Variants in DEUP1 observed in about 807,000 individuals in gnomAD.
DEUP1 encodes deuterosome assembly protein 1.
DEUP1 carries 82 observed loss-of-function variants against 87.4 expected under a neutral mutation model. The observed-to-expected ratio is 0.94, with a 90% CI of 0.78 to 1.13. The LOEUF (loss-of-function observed/expected upper bound fraction) is 1.13. Ranked by LOEUF, DEUP1 falls within the 50% of genes most tolerant of loss-of-function variation. The pLI, the probability that DEUP1 is intolerant of heterozygous loss-of-function variation, is 0.00. For synonymous variants in DEUP1, 214 were observed against 222.7 expected (o/e 0.96, Z 0.35); for missense variants, 663 against 681.5 (o/e 0.97, Z 0.30).
At chr11:93,387,949 G>A (rs537765372) in intron 8 of DEUP1, among the ~76,000 whole-genome samples, 11 of 151,978 alleles carry the variant, frequency 7.2e-5, no homozygotes, top group East Asian at 3.9e-4. Flanking sequence ...TATATTTACC[G>A]CACATAAAAA....
At position 93,416,634 on chromosome 11, in the gene DEUP1, A is replaced by T. The variant is rs1244249687; in HGVS notation, c.1638+1520A>T. 2.0e-5 allele frequency among the ~76,000 whole-genome samples: 3 copies of T among 151,866 alleles called. No homozygotes were observed. The East Asian group carries it at 5.8e-4, about 29-fold the overall frequency. On this transcript the variant is annotated intron_variant, in intron 13 of 13. Coordinates refer to ENST00000298050, the MANE Select transcript of DEUP1 (RefSeq NM_181645.4). ...AACTGGTACCATTCCTTCTGAAACTATTCCAATCAATAGAAAAAGAGGGAA... is the reference window on the plus strand; with the variant it reads ...AACTGGTACCATTCCTTCTGAAACTTTTCCAATCAATAGAAAAAGAGGGAA...
chr11:93,332,077 T>C (rs1943520091), intron 1 of DEUP1, 139 bp from the exon 2 acceptor site: 2 of 502,074 alleles, frequency 4.0e-6, no homozygotes, highest in African/African-American at 1.9e-5. Context: ...AAAACTCAGG[T>C]TTCTATATTT....
chr11:93,370,397 A>G (rs1013110971), intron 6 of DEUP1, among the ~76,000 whole-genome samples: 1 of 152,214 alleles, frequency 6.6e-6, no homozygotes, highest in East Asian at 1.9e-4. Flanking sequence ...TTAAAATTCC[A>G]TTGTTATTGT....
intron 11 of DEUP1, among the ~76,000 whole-genome samples, chr11:93,396,734 T>C (rs939501959): frequency 1.3e-5 from 2 of 152,310 alleles, no homozygotes; most frequent in African/African-American, 4.8e-5. Context: ...GTTTTGTTGC[T>C]TGTCACTTTC....
intron 7 of DEUP1, among the ~76,000 whole-genome samples, chr11:93,378,106 A>C (rs1008868224): frequency 7.2e-5 from 11 of 152,112 alleles, no homozygotes; most frequent in African/African-American, 2.7e-4. Flanking sequence ...TTTTGTGATG[A>C]ATTTCCCAGG....
intron 9 of DEUP1, among the ~76,000 whole-genome samples, chr11:93,391,571 G>A (rs1452469258): frequency 6.6e-6 from 1 of 151,944 alleles, no homozygotes; most frequent in African/African-American, 2.4e-5. Context: ...AGCCAGGCAT[G>A]GTGGTGCTCA....
intron 7 of DEUP1, among the ~76,000 whole-genome samples, chr11:93,373,696 G>C (rs991568509): frequency 6.8e-6 from 1 of 147,914 alleles, no homozygotes; most frequent in Admixed American, 6.8e-5. Context: ...TTGATTGATA[G>C]GCATTTGGGC....
At chr11:93,408,700 T>C (rs1337368498) in intron 12 of DEUP1, among the ~76,000 whole-genome samples, 1 of 152,212 alleles carries the variant, frequency 6.6e-6, no homozygotes, top group Non-Finnish European at 1.5e-5. Flanking sequence ...AACATACAGA[T>C]AAGTAATTTT....
Position 93,419,907 on chromosome 11 carries a change from T to C in DEUP1, c.1638+4793T>C, listed in dbSNP as rs192306856. Among the ~76,000 whole-genome samples, 146 of 150,682 alleles carry C rather than the reference T, an allele frequency of 9.7e-4. 1 individual carries two copies. The highest frequency in any genetic ancestry group is 3.4e-3 in the Middle Eastern group (1 of 294). The stretch of plus-strand genomic sequence containing the variant: ...ATTAAAAAAAAAACAGGCTCTGAAA[T>C]TGTGGCAATAATCAATAGCTTACCA... On this transcript the variant is annotated intron_variant, in intron 13 of 13. Transcript: ENST00000298050.
intron 4 of DEUP1, among the ~76,000 whole-genome samples, chr11:93,360,782 C>T (rs2134232143): frequency 6.7e-6 from 1 of 149,792 alleles, no homozygotes; most frequent in South Asian, 2.1e-4. Flanking sequence ...ACCTTGGGGA[C>T]ATGTAGTATG....
At chr11:93,364,744 C>T (rs1400438365) in intron 5 of DEUP1, among the ~76,000 whole-genome samples, 1 of 151,924 alleles carries the variant, frequency 6.6e-6, no homozygotes, top group African/African-American at 2.4e-5. Flanking sequence ...CACTCCAATT[C>T]AATTGCCCCA....
intron 12 of DEUP1, among the ~76,000 whole-genome samples, chr11:93,409,750 A>G (rs1947383233): frequency 1.3e-5 from 2 of 152,156 alleles, no homozygotes; most frequent in Non-Finnish European, 2.9e-5. Context: ...TCGATTTTCT[A>G]TCTGACAAAC....
chr11:93,415,557 G>A (rs1323988155), intron 13 of DEUP1, among the ~76,000 whole-genome samples: 2 of 152,022 alleles, frequency 1.3e-5, no homozygotes, highest in African/African-American at 2.4e-5. Flanking sequence ...ATCACAAAGG[G>A]AATGTAACTA....
intron 11 of DEUP1, among the ~76,000 whole-genome samples, chr11:93,400,311 G>A (rs1002098924): frequency 2.6e-5 from 4 of 152,158 alleles, no homozygotes; most frequent in African/African-American, 9.7e-5. Context: ...AGAAGAGAAT[G>A]TTTCATTGCC....
At position 93,408,390 on chromosome 11, in the gene DEUP1, T is replaced by C. The variant is rs1947343075; in HGVS notation, c.1486T>C (p.Tyr496His). The change falls in exon 12 of 14, where the codon TAT (tyrosine) becomes CAT (histidine). Residue 496 changes from tyrosine to histidine, a missense_variant. Transcript: ENST00000298050. ...NTYEETGRYA[Y>H]QSQIKVEQNE... is the part of the protein sequence containing the mutation. ...CTATGAAGAAACAGGAAGATATGCC[T>C]ATCAAAGCCAAATAAAAGTGGAACA... 2 of 1,565,680 alleles carry C rather than the reference T, an allele frequency of 1.3e-6. No individual in the cohort carries two copies. Among genetic ancestry groups the C allele is most frequent in the Non-Finnish European group, 8.7e-7 (1 of 1,155,450 alleles).
At chr11:93,394,308 T>C (rs1054350041) in intron 9 of DEUP1, 151 bp from the exon 10 acceptor site, 19 of 525,364 alleles carry the variant, frequency 3.6e-5, no homozygotes, top group Non-Finnish European at 6.0e-5. Flanking sequence ...ATTATATGTA[T>C]CTGTTTTTAA....
chr11:93,355,667 A>G, intron 3 of DEUP1, 125 bp downstream of exon 3: 1 of 818,942 alleles, frequency 1.2e-6, no homozygotes, highest in Non-Finnish European at 1.8e-6. Flanking sequence ...ATTGCTTGAA[A>G]TTCTGTCAGC....
intron 7 of DEUP1, chr11:93,383,694 A>G (rs918311627): frequency 5.1e-5 from 29 of 564,958 alleles, no homozygotes; most frequent in Non-Finnish European, 8.2e-5. Flanking sequence ...ATATCTATAT[A>G]TTAAGAATTA....
In DEUP1 at chr11:93,415,016, G is replaced by GA. The variant is rs747944634; in HGVS notation, c.1541dup (p.Pro515AlafsTer25). On this transcript the variant is annotated frameshift_variant, in exon 13 of 14. Transcript: ENST00000298050. LOFTEE classifies it high-confidence loss of function. ...CTCTTTTAGACTTAGTCATGACTGT[G>GA]AGCCAAACAGAAGTACAATGCCTCC... The GA allele has an allele frequency of 6.3e-7, 1 of 1,580,604 alleles. No individual in the cohort carries two copies. The highest frequency in any genetic ancestry group is 1.2e-5 in the South Asian group (1 of 83,326).
Sources: allele counts gnomAD v4.1 joint callset (sites outside exome capture counted in the v4.1 genomes callset), GRCh38; gene constraint gnomAD v4.1.1; transcripts MANE v1.5; gene names NCBI Gene and HGNC (gene_info 2026-07-23, HGNC 2026-07-21).